QRFPR: variants seen among roughly 807,000 people sequenced by gnomAD.
The protein encoded by QRFPR is pyroglutamylated RFamide peptide receptor, also known as pyroglutamylated RF-amide peptide receptor.
QRFPR carries 37 observed loss-of-function variants against 31.3 expected under a neutral mutation model. The observed-to-expected ratio is 1.18, with a 90% CI of 0.91 to 1.56. The LOEUF is 1.56. Among genes scored for constraint, QRFPR ranks in the 40% most tolerant of loss-of-function variants. The pLI, the probability that QRFPR is intolerant of heterozygous loss-of-function variation, is 0.00. For synonymous variants in QRFPR, 197 were observed against 192.0 expected (o/e 1.03, Z -0.22); for missense variants, 542 against 532.5 (o/e 1.02, Z -0.18).
At chr4:121,340,915 A>G (rs956230105) in intron 1 of QRFPR, among the ~76,000 whole-genome samples, 6 of 151,834 alleles carry the variant, frequency 4.0e-5, no homozygotes, top group African/African-American at 1.5e-4. Flanking sequence ...GGGGAAGAGC[A>G]AAGTCATTGT....
chr4:121,345,292 T>C (rs1725621778), intron 1 of QRFPR, among the ~76,000 whole-genome samples: 1 of 152,236 alleles, frequency 6.6e-6, no homozygotes, highest in Non-Finnish European at 1.5e-5. Context: ...TGCTGAGTTA[T>C]GGCTGCTGAC....
intron 1 of QRFPR, among the ~76,000 whole-genome samples, chr4:121,376,960 C>T (rs1331779937): frequency 3.3e-5 from 5 of 152,080 alleles, no homozygotes; most frequent in Admixed American, 1.3e-4. Flanking sequence ...TGCTGCTGGT[C>T]CCCAGCAAGA....
chr4:121,335,988 G>GA (rs60947246), intron 3 of QRFPR, among the ~76,000 whole-genome samples: 7,770 of 152,140 alleles, frequency 0.051, 256 homozygotes, highest in East Asian at 0.11. Context: ...TTAGTTACAT[G>GA]AAAAAAATCA....
intron 1 of QRFPR, among the ~76,000 whole-genome samples, chr4:121,345,595 C>T (rs1725629349): frequency 6.6e-6 from 1 of 152,202 alleles, no homozygotes; most frequent in Admixed American, 6.5e-5. Context: ...GCCTCCACTG[C>T]TGCTTCCATT....
rs548469720 is a variant in QRFPR, at chr4:121,362,920, A to G, written c.340+17388T>C. ...AAATAAACTTGTAAATATATCATGC[A>G]GAGCTGTTCTTTCAAAAACTTCAGG... On this transcript the variant is annotated intron_variant, in intron 1 of 5. Transcript: ENST00000394427. Among the ~76,000 whole-genome samples the G allele has an allele frequency of 9.4e-4, 142 of 150,640 alleles. 6 individuals carry two copies. Among genetic ancestry groups the G allele is most frequent in the African/African-American group, 3.4e-3 (137 of 40,856 alleles).
intron 3 of QRFPR, among the ~76,000 whole-genome samples, chr4:121,336,478 C>A (rs908168847): frequency 2.6e-5 from 4 of 152,064 alleles, no homozygotes; most frequent in Non-Finnish European, 4.4e-5. Context: ...AAACCTAGAG[C>A]AATCATTCAA....
chr4:121,358,963 G>T (rs1266065869), intron 1 of QRFPR, among the ~76,000 whole-genome samples: 1 of 152,092 alleles, frequency 6.6e-6, no homozygotes, highest in Non-Finnish European at 1.5e-5. Context: ...GATAAATGAG[G>T]AATAAAGTAA....
chr4:121,379,287 T>C lies in QRFPR; in HGVS notation c.340+1021A>G, dbSNP rs9637628. On this transcript the variant is annotated intron_variant, in intron 1 of 5. Coordinates refer to ENST00000394427, the MANE Select transcript of QRFPR (RefSeq NM_198179.3). ...AAAAAGCAATGCTCACGATCTCAAA[T>C]TGGTAATGGTAGGATGAAACACCCT... 7.7e-4 allele frequency among the ~76,000 whole-genome samples: 118 copies of C among 152,330 alleles called. 1 individual carries two copies. In the East Asian group the frequency reaches 0.021, roughly 28 times the overall value.
intron 1 of QRFPR, among the ~76,000 whole-genome samples, chr4:121,348,680 G>A (rs554435412): frequency 9.9e-5 from 15 of 152,228 alleles, no homozygotes; most frequent in Non-Finnish European, 7.4e-5. Context: ...AATGGCTGTA[G>A]TTTGACTTAA....
rs144282209 is a variant in QRFPR at position 121,380,581 on chromosome 4, C to T, written c.67G>A (p.Glu23Lys). The stretch of plus-strand genomic sequence containing the variant: ...AGCCGGTACAGAGCGATGAACTGCT[C>T]CCGCGTCAGGTTGTGGTCCCGCAGC... ...RLLRDHNLTR[E>K]QFIALYRLRP... is the part of the protein sequence containing the mutation. Residue 23 changes from glutamate (E) to lysine (K), a missense_variant, in exon 1 of 6, where the codon GAG becomes AAG. Physicochemically the swap from Glu to Lys is moderately conservative, Grantham distance 56. Coordinates refer to ENST00000394427, the MANE Select transcript of QRFPR (RefSeq NM_198179.3). The T allele has an allele frequency of 1.9e-6, 3 of 1,607,562 alleles. No individual in the cohort carries two copies. The highest frequency in any genetic ancestry group is 2.2e-5 in the East Asian group (1 of 44,628).
intron 1 of QRFPR, among the ~76,000 whole-genome samples, chr4:121,379,373 C>G (rs972740813): frequency 6.6e-6 from 1 of 152,120 alleles, no homozygotes; most frequent in South Asian, 2.1e-4. Flanking sequence ...GCATAATGAT[C>G]TATTTCTCTT....
chr4:121,345,341 T>C (rs1409855260), intron 1 of QRFPR, among the ~76,000 whole-genome samples: 1 of 152,198 alleles, frequency 6.6e-6, no homozygotes, highest in African/African-American at 2.4e-5. Context: ...GTAGGTCCAT[T>C]TCTTCAGCTT....
Position 121,332,884 on chromosome 4 carries a change from T to C in QRFPR, c.734A>G (p.Lys245Arg). ...AAGCACTGAACCATCCCCAACTCTT[T>C]TCTTTATCCAAAGTTCATAACCAAT... ...SKIGYELWIK[K>R]RVGDGSVLRT... is the part of the protein sequence containing the mutation. The change falls in exon 4 of 6, where the codon AAA becomes AGA. Residue 245 changes from lysine (K) to arginine (R), a missense_variant. By Grantham distance (26) the Lys-to-Arg change is conservative (BLOSUM62 2). Transcript: ENST00000394427. 6.2e-7 allele frequency: 1 copy of C among 1,614,174 alleles called. No individual in the cohort carries two copies. The highest frequency in any genetic ancestry group is 1.1e-5 in the South Asian group (1 of 91,086).
At chr4:121,348,134 C>A (rs1312405673) in intron 1 of QRFPR, among the ~76,000 whole-genome samples, 2 of 152,076 alleles carry the variant, frequency 1.3e-5, no homozygotes, top group African/African-American at 4.8e-5. Context: ...GAGTTTGAAT[C>A]ATGGGTCCAT....
intron 1 of QRFPR, among the ~76,000 whole-genome samples, chr4:121,358,493 A>G (rs1282009408): frequency 6.6e-6 from 1 of 152,216 alleles, no homozygotes; most frequent in Non-Finnish European, 1.5e-5. Context: ...AACTGAAAAG[A>G]ATTCCAACTT....
At chr4:121,367,455 T>G (rs1278577080) in intron 1 of QRFPR, among the ~76,000 whole-genome samples, 1 of 150,346 alleles carries the variant, frequency 6.7e-6, no homozygotes, top group African/African-American at 2.5e-5. Context: ...AGTAATTCTT[T>G]TCATGTAAAT....
chr4:121,365,590 T>TCA (rs1560743959), intron 1 of QRFPR, among the ~76,000 whole-genome samples: 2 of 5,648 alleles, frequency 3.5e-4, no homozygotes, highest in African/African-American at 2.1e-3. Flanking sequence ...ATTATATATA[T>TCA]TATATATATA....
At chr4:121,337,426 G>A (rs928396501) in intron 2 of QRFPR, among the ~76,000 whole-genome samples, 4 of 152,042 alleles carry the variant, frequency 2.6e-5, no homozygotes, top group South Asian at 2.1e-4. Context: ...CAGTGTCTTC[G>A]TTGCCCTTAC....
At chr4:121,332,711 A>G in intron 4 of QRFPR, 110 bp downstream of exon 4, 1 of 778,302 alleles carries the variant, frequency 1.3e-6, no homozygotes, top group South Asian at 1.9e-5. Flanking sequence ...TTGAATTGCA[A>G]AGGATGCTTA....
Sources: allele counts gnomAD v4.1 joint callset (sites outside exome capture counted in the v4.1 genomes callset), GRCh38; gene constraint gnomAD v4.1.1; transcripts MANE v1.5; gene names NCBI Gene and HGNC (gene_info 2026-07-23, HGNC 2026-07-21).